The following SPANXB1 variants were observed in gnomAD, a reference collection of about 807,000 sequenced individuals.
The protein encoded by SPANXB1 is sperm protein associated with the nucleus on the X chromosome B1.
In SPANXB1, 1 loss-of-function variant was observed where a neutral mutation model predicts 2.0. The ratio of observed to expected loss-of-function variants is 0.49; its 90% confidence interval spans 0.18 to 2.34. The LOEUF (loss-of-function observed/expected upper bound fraction) is 2.34, where lower values mean the gene tolerates loss of function less well. SPANXB1 is among the 30% of genes most tolerant of loss of function. The pLI, the probability that SPANXB1 is intolerant of heterozygous loss-of-function variation, is 0.26. For missense variants in SPANXB1, 70 were observed against 87.5 expected (o/e 0.80, Z 0.80); for synonymous variants, 22 against 35.8 (o/e 0.61, Z 1.38).
Position 141,003,501 on chromosome X carries a change from C to G in SPANXB1, c.161C>G (p.Ser54Trp), listed in dbSNP as rs1361750103. ...AAAAAAATGAAAACATCTGAGTCCT[C>G]GACCATACTAGTGGTTCGCTACAGG... ...APKKMKTSESSTILVVRYRRN... is the reference protein window; with the variant it reads ...APKKMKTSESWTILVVRYRRN... The change falls in exon 2 of 2, where the codon TCG becomes TGG. Residue 54 changes from serine (S) to tryptophan (W), a missense_variant. Ser to Trp is a radical substitution (Grantham distance 177). Around this residue, in one of 3 missense-constraint regions of SPANXB1, gnomAD observed 5 missense variants for 37.4 expected, o/e 0.13. Transcript: ENST00000449283. 1 of 1,210,763 alleles carries G rather than the reference C, an allele frequency of 8.3e-7. No individual in the cohort carries two copies. Among genetic ancestry groups the G allele is most frequent in the East Asian group, 3.0e-5 (1 of 33,857 alleles).
Position 141,002,735 on chromosome X carries a change from C to T in SPANXB1, c.42C>T (p.Val14=), listed in dbSNP as rs1569394999. The change falls in exon 1 of 2, where the codon GTC becomes GTT. Residue 14 remains valine (V), a synonymous_variant. Transcript: ENST00000449283. ...GTGTCCGCAGGCTGAAGAGGAGCGTCCCCTGTGAATCCAACGAGGCCAACG... is the reference window on the plus strand; with the variant it reads ...GTGTCCGCAGGCTGAAGAGGAGCGTTCCCTGTGAATCCAACGAGGCCAACG... ...QSSVRRLKRS[V]PCESNEANEA... 8.2e-7 allele frequency: 1 copy of T among 1,212,738 alleles called. No homozygotes were observed. Among genetic ancestry groups the T allele is most frequent in the Non-Finnish European group, 1.1e-6 (1 of 895,528 alleles).
intron 1 of SPANXB1, among the ~76,000 whole-genome samples, chrX:141,003,194 C>G (rs1443114735): frequency 8.8e-6 from 1 of 113,131 alleles, no homozygotes; most frequent in East Asian, 2.8e-4. Flanking sequence ...TGACCAAGGT[C>G]TGCAAAATAG....
chrX:141,003,067 C>T (rs1406933765), intron 1 of SPANXB1, among the ~76,000 whole-genome samples: 36 of 112,781 alleles, frequency 3.2e-4, no homozygotes, highest in African/African-American at 8.9e-4. Context: ...TTCCTTAGAA[C>T]GCTGCCAAGC....
At chrX:141,003,154 C>T (rs1362396337) in intron 1 of SPANXB1, among the ~76,000 whole-genome samples, 2 of 113,321 alleles carry the variant, frequency 1.8e-5, no homozygotes, top group Admixed American at 9.3e-5. Flanking sequence ...ATGTTTCTCA[C>T]GGCCTGAACC....
At chrX:141,002,852 A>T in intron 1 of SPANXB1, 69 bp downstream of exon 1, 2 of 1,203,852 alleles carry the variant, frequency 1.7e-6, no homozygotes, top group Non-Finnish European at 2.3e-6. Context: ...GGCGGCTCAA[A>T]CAACAACACA....
intron 1 of SPANXB1, among the ~76,000 whole-genome samples, chrX:141,003,034 T>A (rs1379274015): frequency 1.3e-4 from 15 of 112,964 alleles, no homozygotes; most frequent in African/African-American, 4.8e-4. Context: ...TGGCCCTTTT[T>A]CTGGTGGAAT....
At chrX:141,003,313 G>A (rs1227492964) in intron 1 of SPANXB1, 118 bp from the exon 2 acceptor site, 8 of 1,203,115 alleles carry the variant, frequency 6.6e-6, no homozygotes, top group Non-Finnish European at 1.1e-6. Context: ...CTTCTTCTCT[G>A]GATCAAACCC....
rs1452722279 is a variant in SPANXB1 at position 141,002,685 on chromosome X, A to C, written c.-9A>C. 1.4e-3 allele frequency: 1,648 copies of C among 1,211,286 alleles called. No individual in the cohort carries two copies. The African/African-American group carries it at 0.025, about 18-fold the overall frequency. On this transcript the variant is annotated 5_prime_UTR_variant, in exon 1 of 2. Coordinates refer to ENST00000449283, the MANE Select transcript of SPANXB1 (RefSeq NM_032461.4). ...ACCTACTGTAGACATCGAAGAACCA[A>C]TATATACAATGGGCCAACAATCCAG...
At chrX:141,003,080 G>C (rs1382038458) in intron 1 of SPANXB1, among the ~76,000 whole-genome samples, 9 of 113,072 alleles carry the variant, frequency 8.0e-5, no homozygotes, top group Admixed American at 1.9e-4. Flanking sequence ...TGCCAAGCAA[G>C]ATATGATAGG....
At position 141,002,734 on chromosome X, in the gene SPANXB1, T is replaced by G. The variant is rs2012327031; in HGVS notation, c.41T>G (p.Val14Gly). Residue 14 changes from valine to glycine, a missense_variant, in exon 1 of 2, where the codon GTC (valine) becomes GGC (glycine). Physicochemically the swap from Val to Gly is moderately radical, Grantham distance 109 (BLOSUM62 -3). Transcript: ENST00000449283. ...AGTGTCCGCAGGCTGAAGAGGAGCGTCCCCTGTGAATCCAACGAGGCCAAC... is the reference window on the plus strand; with the variant it reads ...AGTGTCCGCAGGCTGAAGAGGAGCGGCCCCTGTGAATCCAACGAGGCCAAC... ...QSSVRRLKRS[V>G]PCESNEANEA... 6 of 1,212,592 alleles carry G rather than the reference T, an allele frequency of 4.9e-6. No homozygotes were observed. Among genetic ancestry groups the G allele is most frequent in the Non-Finnish European group, 6.7e-6 (6 of 895,494 alleles).
intron 1 of SPANXB1, among the ~76,000 whole-genome samples, chrX:141,003,089 G>C (rs2012337615): frequency 8.8e-6 from 1 of 113,285 alleles, no homozygotes; most frequent in Non-Finnish European, 1.9e-5. Context: ...AGATATGATA[G>C]GGATGTTTCT....
Position 141,002,698 on chromosome X carries a change from G to A in SPANXB1, c.5G>A (p.Gly2Asp), listed in dbSNP as rs1489607447. The A allele has an allele frequency of 6.6e-6, 8 of 1,212,015 alleles. No homozygotes were observed. The highest frequency in any genetic ancestry group is 5.2e-5 in the African/African-American group (3 of 58,107). M[G>D]QQSSVRRLKR... ...ATCGAAGAACCAATATATACAATGG[G>A]CCAACAATCCAGTGTCCGCAGGCTG... Residue 2 changes from glycine (G) to aspartate (D), a missense_variant, in exon 1 of 2, where the codon GGC becomes GAC. Gly to Asp is a moderately conservative substitution (Grantham distance 94). This residue lies in a region of SPANXB1 where 42 missense variants were observed against 24.9 expected (regional missense o/e 1.69). Transcript: ENST00000449283.
At chrX:141,003,251 C>T (rs1422488099) in intron 1 of SPANXB1, among the ~76,000 whole-genome samples, 180 bp from the exon 2 acceptor site, 22 of 113,408 alleles carry the variant, frequency 1.9e-4, no homozygotes, top group Non-Finnish European at 3.2e-4. Context: ...GGTGACCCTA[C>T]CCACGCTCCT....
At position 141,002,665 on chromosome X, in the gene SPANXB1, C is replaced by T. The variant is rs2012323927; in HGVS notation, c.-29C>T. 2 of 1,212,515 alleles carry T rather than the reference C, an allele frequency of 1.6e-6. No homozygotes were observed. The highest frequency in any genetic ancestry group is 3.0e-5 in the East Asian group (1 of 33,834). ...AAGATTCAAAAGCTCCAAAAACCTA[C>T]TGTAGACATCGAAGAACCAATATAT... is the stretch of plus-strand genomic sequence containing the variant. On this transcript the variant is annotated 5_prime_UTR_variant, in exon 1 of 2. Transcript: ENST00000449283.
Position 141,002,805 on chromosome X carries a change from G to T in SPANXB1, c.90+22G>T, listed in dbSNP as rs1556175567. 2.7e-3 allele frequency: 3,223 copies of T among 1,201,113 alleles called. No homozygotes were observed. In the East Asian group the frequency reaches 0.082, roughly 30 times the overall value. On this transcript the variant is annotated intron_variant, in intron 1 of 1. Transcript: ENST00000449283. The stretch of plus-strand genomic sequence containing the variant: ...GACGGTAAGATTGTTAGGTTCTGAA[G>T]TGAAGGCGAGGGTGAAAGAAAGACA...
Position 141,003,630 on chromosome X carries a change from C to A in SPANXB1, c.290C>A (p.Thr97Lys). 1 of 1,210,380 alleles carries A rather than the reference C, an allele frequency of 8.3e-7. No homozygotes were observed. The highest frequency in any genetic ancestry group is 1.8e-5 in the South Asian group (1 of 56,969). ...GAGGAGGAGGAATTCATAGAAATAACGACTGAAAGACCTAAAAAGTAGCAA... is the reference window on the plus strand; with the variant it reads ...GAGGAGGAGGAATTCATAGAAATAAAGACTGAAAGACCTAAAAAGTAGCAA... ...QMEEEEFIEITTERPKK is the reference protein window; with the variant it reads ...QMEEEEFIEIKTERPKK The change falls in exon 2 of 2, where the codon ACG (threonine) becomes AAG (lysine). Residue 97 changes from threonine (T) to lysine (K), a missense_variant. By Grantham distance (78) the Thr-to-Lys change is moderately conservative. Transcript: ENST00000449283.
In SPANXB1 at chrX:141,002,744, A is replaced by T. The variant is rs1434924062; in HGVS notation, c.51A>T (p.Glu17Asp). ...VRRLKRSVPC[E>D]SNEANEANEA... ...GGCTGAAGAGGAGCGTCCCCTGTGA[A>T]TCCAACGAGGCCAACGAGGCCAATG... Residue 17 changes from glutamate to aspartate, a missense_variant, in exon 1 of 2, where the codon GAA becomes GAT. By Grantham distance (45) the Glu-to-Asp change is conservative. Coordinates refer to ENST00000449283, the MANE Select transcript of SPANXB1 (RefSeq NM_032461.4). 1.1e-5 allele frequency: 13 copies of T among 1,211,892 alleles called. No individual in the cohort carries two copies. Among genetic ancestry groups the T allele is most frequent in the Middle Eastern group, 2.3e-4 (1 of 4,330 alleles).
chrX:141,003,225 G>A (rs1317548625), intron 1 of SPANXB1, among the ~76,000 whole-genome samples: 5 of 113,260 alleles, frequency 4.4e-5, no homozygotes, highest in African/African-American at 1.3e-4. Context: ...ACAAAATGGT[G>A]CAGTTTGGAC....
At position 141,003,498 on chromosome X, in the gene SPANXB1, C is replaced by A. The variant is rs1296771058; in HGVS notation, c.158C>A (p.Ser53Tyr). 1 of 1,212,450 alleles carries A rather than the reference C, an allele frequency of 8.2e-7. No homozygotes were observed. The highest frequency in any genetic ancestry group is 3.0e-5 in the East Asian group (1 of 33,889). The change falls in exon 2 of 2, where the codon TCC becomes TAC. Residue 53 changes from serine (S) to tyrosine (Y), a missense_variant. Transcript: ENST00000449283. ...PAPKKMKTSE[S>Y]STILVVRYRR... ...CCTAAAAAAATGAAAACATCTGAGT[C>A]CTCGACCATACTAGTGGTTCGCTAC...
Sources: allele counts gnomAD v4.1 joint callset (sites outside exome capture counted in the v4.1 genomes callset), GRCh38; gene constraint gnomAD v4.1.1; regional missense constraint gnomAD v4.1.1; transcripts MANE v1.5; gene names NCBI Gene and HGNC (gene_info 2026-07-23, HGNC 2026-07-21).